The following ARFGEF1 variants were observed in gnomAD, a reference collection of about 807,000 sequenced individuals.
The protein encoded by ARFGEF1 is ARF guanine nucleotide exchange factor 1.
A neutral mutation model predicts 231.0 loss-of-function variants in ARFGEF1; 42 were observed. That is an observed-to-expected ratio of 0.18 (90% CI 0.14 to 0.24). The LOEUF is 0.24. Ranked by LOEUF, ARFGEF1 falls within the 10% of genes least tolerant of loss-of-function variation. ARFGEF1 has a pLI of 1.00. For missense variants in ARFGEF1, 1,345 were observed against 2,192.0 expected, an observed-to-expected ratio of 0.61 and a Z score of 7.72; for synonymous variants, 710 against 732.3, an observed-to-expected ratio of 0.97 and a Z score of 0.49.
chr8:67,326,580 A>G (rs1416186681), intron 1 of ARFGEF1, among the ~76,000 whole-genome samples: 1 of 152,242 alleles, frequency 6.6e-6, no homozygotes, highest in African/African-American at 2.4e-5. Context: ...ACAGCAACCA[A>G]TTAGGTTCTC....
intron 15 of ARFGEF1, among the ~76,000 whole-genome samples, chr8:67,258,707 G>GATT (rs1840543702): frequency 6.6e-6 from 1 of 152,026 alleles, no homozygotes; most frequent in Non-Finnish European, 1.5e-5. Context: ...GCAGACTTTT[G>GATT]ATTATAGAGT....
At chr8:67,339,969 TA>T (rs1331342915) in intron 1 of ARFGEF1, among the ~76,000 whole-genome samples, 1 of 151,922 alleles carries the variant, frequency 6.6e-6, no homozygotes, top group African/African-American at 2.4e-5. Flanking sequence ...TTTAATGAAG[TA>T]AAATTTCCCC....
At chr8:67,303,660 G>A (rs1305456643) in intron 1 of ARFGEF1, among the ~76,000 whole-genome samples, 2 of 151,656 alleles carry the variant, frequency 1.3e-5, no homozygotes, top group Middle Eastern at 3.4e-3. Flanking sequence ...GTTGCAGTGA[G>A]CCAAAATCAC....
intron 7 of ARFGEF1, among the ~76,000 whole-genome samples, chr8:67,277,978 C>CA (rs1025273861): frequency 6.6e-6 from 1 of 152,122 alleles, no homozygotes; most frequent in African/African-American, 2.4e-5. Flanking sequence ...ATATCTCTAA[C>CA]AATTTATGTT....
chr8:67,299,283 T>C lies in ARFGEF1; in HGVS notation c.385A>G (p.Arg129Gly), dbSNP rs1806371941. ...CAGCCACATATTGTTTCAATAATTCTATCAATTAATTTTTTGCCTGGTGTT... is the reference window on the plus strand; with the variant it reads ...CAGCCACATATTGTTTCAATAATTCCATCAATTAATTTTTTGCCTGGTGTT... The part of the protein sequence containing the change: ...STTPGKKLID[R>G]IIETICGCFQ... Residue 129 changes from arginine (R) to glycine (G), a missense_variant, in exon 4 of 39, where the codon AGA becomes GGA. Physicochemically the swap from Arg to Gly is moderately radical, Grantham distance 125. Around this residue, in one of 14 missense-constraint regions of ARFGEF1, gnomAD observed 398 missense variants for 463.2 expected, o/e 0.86. Coordinates refer to ENST00000262215, the MANE Select transcript of ARFGEF1 (RefSeq NM_006421.5). 1 of 1,609,374 alleles carries C rather than the reference T, an allele frequency of 6.2e-7. No individual in the cohort carries two copies. The highest frequency in any genetic ancestry group is 8.5e-7 in the Non-Finnish European group (1 of 1,177,188).
rs918933222 is a variant in ARFGEF1, at chr8:67,259,932, T to C, written c.2124-6A>G. 2 of 1,551,326 alleles carry C rather than the reference T, an allele frequency of 1.3e-6. No homozygotes were observed. The highest frequency in any genetic ancestry group is 1.8e-6 in the Non-Finnish European group (2 of 1,132,968). ...TCTTTGGTTTCTTATTAAATCTAGA[T>C]GATGTTAAATAAGAACATTAAAAAT... On this transcript the variant is annotated splice_polypyrimidine_tract_variant and splice_region_variant and intron_variant, in intron 14 of 38. Coordinates refer to ENST00000262215, the MANE Select transcript of ARFGEF1 (RefSeq NM_006421.5).
At chr8:67,188,920 T>G (rs922919918) in intron 5 of ARFGEF1, among the ~76,000 whole-genome samples, 1 of 152,134 alleles carries the variant, frequency 6.6e-6, no homozygotes, top group Non-Finnish European at 1.5e-5. Context: ...TGGCCCAAGA[T>G]TCCATTCCTT....
chr8:67,308,646 CT>C (rs1806854525), intron 1 of ARFGEF1, among the ~76,000 whole-genome samples: 1 of 152,166 alleles, frequency 6.6e-6, no homozygotes, highest in African/African-American at 2.4e-5. Flanking sequence ...ATCATCCCTG[CT>C]TATGTGCTCC....
chr8:67,238,833 C>T lies in ARFGEF1; in HGVS notation c.3040G>A (p.Gly1014Ser), dbSNP rs774607442. Residue 1014 changes from glycine to serine, a missense_variant, in exon 21 of 39, where the codon GGT becomes AGT. Physicochemically the swap from Gly to Ser is moderately conservative, Grantham distance 56. Around this residue, in one of 14 missense-constraint regions of ARFGEF1, gnomAD observed 146 missense variants for 321.4 expected, o/e 0.45. Transcript: ENST00000262215. ...ARFTLLTVSS[G>S]ITEMKQKNID... ...TTCTTCTGTTTCATTTCAGTAATAC[C>T]GGAACTCACTGTGAGTAAGGTAAAT... 1.1e-5 allele frequency: 18 copies of T among 1,613,240 alleles called. No homozygotes were observed. The highest frequency in any genetic ancestry group is 1.5e-5 in the Non-Finnish European group (18 of 1,179,588).
downstream of ARFGEF1, chr8:67,173,697 T>C (rs1012697363): frequency 2.0e-5 from 3 of 152,010 alleles, 1 homozygote; most frequent in Admixed American, 2.0e-4. Flanking sequence ...TTTAATTTTC[T>C]CTATTGTTTT....
chr8:67,215,346 A>C (rs1838889909), intron 33 of ARFGEF1, among the ~76,000 whole-genome samples: 1 of 152,118 alleles, frequency 6.6e-6, no homozygotes, highest in African/African-American at 2.4e-5. Flanking sequence ...GATGGGATGG[A>C]CATGAATTTT....
intron 7 of ARFGEF1, 24 bp downstream of exon 7, chr8:67,287,931 A>G: frequency 6.7e-7 from 1 of 1,497,624 alleles, no homozygotes; most frequent in Non-Finnish European, 9.0e-7. Flanking sequence ...ACAGAGTAAA[A>G]TAATTTTGAA....
chr8:67,267,418 A>G lies in ARFGEF1; in HGVS notation c.1597T>C (p.Tyr533His), dbSNP rs373169129. ...IEVFFKEIFL[Y>H]ILETSTSSFD... ...GAGCTGGTAGAAGTTTCCAAAATGTATAAGAAAATTTCTTTAAAGAACACC... is the reference window on the plus strand; with the variant it reads ...GAGCTGGTAGAAGTTTCCAAAATGTGTAAGAAAATTTCTTTAAAGAACACC... The change falls in exon 11 of 39, where the codon TAC (tyrosine) becomes CAC (histidine). Residue 533 changes from tyrosine (Y) to histidine (H), a missense_variant. By Grantham distance (83) the Tyr-to-His change is moderately conservative. Coordinates refer to ENST00000262215, the MANE Select transcript of ARFGEF1 (RefSeq NM_006421.5). The G allele has an allele frequency of 8.1e-6, 13 of 1,609,582 alleles. No homozygotes were observed. The highest frequency in any genetic ancestry group is 1.1e-5 in the South Asian group (1 of 89,912).
chr8:67,277,545 T>TGGCA, intron 7 of ARFGEF1, 88 bp from the exon 8 acceptor site: 1 of 1,272,660 alleles, frequency 7.9e-7, no homozygotes, highest in Non-Finnish European at 1.1e-6. Context: ...AATGAAACAG[T>TGGCA]GGCAGGAAAG....
chr8:67,211,116 C>T (rs961392521), intron 34 of ARFGEF1, among the ~76,000 whole-genome samples: 3 of 149,520 alleles, frequency 2.0e-5, no homozygotes, highest in East Asian at 4.0e-4. Context: ...GAGGCTGAGG[C>T]GGGCAGATCA....
chr8:67,296,011 T>C (rs1342798592), intron 5 of ARFGEF1, among the ~76,000 whole-genome samples: 2 of 152,210 alleles, frequency 1.3e-5, no homozygotes, highest in Non-Finnish European at 2.9e-5. Flanking sequence ...AGGAATATCA[T>C]GCCCCTTTAT....
At chr8:67,318,046 G>T (rs1807405486) in intron 1 of ARFGEF1, among the ~76,000 whole-genome samples, 2 of 151,692 alleles carry the variant, frequency 1.3e-5, no homozygotes, top group Non-Finnish European at 2.9e-5. Context: ...GACCATCCTG[G>T]CTAACACGGT....
At chr8:67,188,792 T>C (rs1170870825) in intron 5 of ARFGEF1, among the ~76,000 whole-genome samples, 1 of 152,198 alleles carries the variant, frequency 6.6e-6, no homozygotes, top group African/African-American at 2.4e-5. Context: ...AGGCTTGCCA[T>C]TGTTCCTGCA....
At chr8:67,231,365 T>C (rs1839547204) in intron 23 of ARFGEF1, among the ~76,000 whole-genome samples, 1 of 152,124 alleles carries the variant, frequency 6.6e-6, no homozygotes, top group African/African-American at 2.4e-5. Context: ...TAGAAGTATC[T>C]GGCGATGACA....
Sources: gnomAD v4.1 joint callset for allele counts (sites outside exome capture counted in the v4.1 genomes callset) on GRCh38, gnomAD v4.1.1 for gene constraint, gnomAD v4.1.1 regional missense constraint, MANE v1.5 for transcripts, NCBI Gene and HGNC (gene_info 2026-07-23, HGNC 2026-07-21) for gene names.